The following BICC1 variants were observed in gnomAD, a reference collection of about 807,000 sequenced individuals.
The protein encoded by BICC1 is BicC family RNA binding protein 1, also known as protein bicaudal C homolog 1.
In BICC1, 43 loss-of-function variants were observed where a neutral mutation model predicts 111.0. That is an observed-to-expected ratio of 0.39 (90% CI 0.30 to 0.50). BICC1 has a LOEUF of 0.50. BICC1 is among the 20% of genes least tolerant of loss of function. The pLI, the probability that BICC1 is intolerant of heterozygous loss-of-function variation, is 0.88. For synonymous variants in BICC1, 467 were observed against 434.4 expected (o/e 1.07, Z -0.93); for missense variants, 1,091 against 1,203.2 (o/e 0.91, Z 1.38).
intron 1 of BICC1, among the ~76,000 whole-genome samples, chr10:58,521,033 G>C (rs190743117): frequency 4.6e-5 from 7 of 152,144 alleles, no homozygotes; most frequent in African/African-American, 1.2e-4. Flanking sequence ...TTCACTTAGC[G>C]TTGAATCATA....
intron 2 of BICC1, among the ~76,000 whole-genome samples, chr10:58,631,149 T>C (rs1837781287): frequency 6.6e-6 from 1 of 152,190 alleles, no homozygotes; most frequent in East Asian, 1.9e-4. Context: ...TTAATATTGT[T>C]TTCATCCCTC....
chr10:58,657,276 T>C (rs1224835516), intron 2 of BICC1, among the ~76,000 whole-genome samples: 1 of 152,222 alleles, frequency 6.6e-6, no homozygotes, highest in Admixed American at 6.6e-5. Context: ...TGTGTTGTAG[T>C]GCACCATCTT....
intron 3 of BICC1, among the ~76,000 whole-genome samples, chr10:58,763,577 A>G (rs1213370644): frequency 1.3e-5 from 2 of 152,176 alleles, no homozygotes; most frequent in African/African-American, 4.8e-5. Flanking sequence ...TTGAGGAGTT[A>G]AGTTCTGAGT....
At chr10:58,788,508 T>G (rs1467316712) in intron 6 of BICC1, 85 bp downstream of exon 6, 2 of 977,298 alleles carry the variant, frequency 2.0e-6, no homozygotes. Flanking sequence ...ATTTATCATT[T>G]TATAACCGAA....
At chr10:58,578,854 C>T (rs1564495586) in intron 1 of BICC1, among the ~76,000 whole-genome samples, 1 of 152,132 alleles carries the variant, frequency 6.6e-6, no homozygotes, top group Non-Finnish European at 1.5e-5. Context: ...GAATTCTCTT[C>T]CTTTGCTGCT....
chr10:58,616,102 G>A (rs1392911477), intron 1 of BICC1, among the ~76,000 whole-genome samples: 1 of 152,178 alleles, frequency 6.6e-6, no homozygotes. Context: ...GGTGCCTGGA[G>A]GCCAGGCTAC....
At position 58,792,769 on chromosome 10, in the gene BICC1, T is replaced by G. The variant is rs143419517; in HGVS notation, c.1048-715T>G. Reference sequence around the variant, plus strand: ...GGTGAGTTGTATAATTATTTAATTATATATTACAATGTGATAATAATAGTA... The same window carrying G: ...GGTGAGTTGTATAATTATTTAATTAGATATTACAATGTGATAATAATAGTA... On this transcript the variant is annotated intron_variant, in intron 8 of 20. Coordinates refer to ENST00000373886, the MANE Select transcript of BICC1 (RefSeq NM_001080512.3). 5.6e-3 allele frequency among the ~76,000 whole-genome samples: 855 copies of G among 152,354 alleles called. 12 individuals carry two copies. The highest frequency in any genetic ancestry group is 0.019 in the African/African-American group (805 of 41,578).
intron 1 of BICC1, among the ~76,000 whole-genome samples, chr10:58,529,742 C>G (rs1842632834): frequency 6.6e-6 from 1 of 151,584 alleles, no homozygotes; most frequent in Non-Finnish European, 1.5e-5. Context: ...CTTCAGGGAT[C>G]TATAATTTAC....
At chr10:58,803,400 A>G (rs890923847) in intron 15 of BICC1, among the ~76,000 whole-genome samples, 158 bp downstream of exon 15, 10 of 152,232 alleles carry the variant, frequency 6.6e-5, no homozygotes, top group Non-Finnish European at 4.4e-5. Context: ...TTAGTTTGCT[A>G]TAAACATTAA....
intron 3 of BICC1, among the ~76,000 whole-genome samples, chr10:58,717,211 G>A (rs1387730986): frequency 6.6e-6 from 1 of 152,150 alleles, no homozygotes; most frequent in East Asian, 1.9e-4. Flanking sequence ...TATGTAACCA[G>A]TGATAGTTTA....
intron 3 of BICC1, among the ~76,000 whole-genome samples, chr10:58,727,637 T>C (rs1233990393): frequency 6.6e-6 from 1 of 152,106 alleles, no homozygotes; most frequent in African/African-American, 2.4e-5. Flanking sequence ...ACTTAAGAAT[T>C]ACAAAAGGAT....
intron 2 of BICC1, among the ~76,000 whole-genome samples, chr10:58,690,824 C>T (rs189738681): frequency 6.6e-6 from 1 of 152,134 alleles, no homozygotes; most frequent in African/African-American, 2.4e-5. Flanking sequence ...AAAATGTATT[C>T]CCTAAAAAAG....
At chr10:58,599,929 G>GGTGTGT (rs59937252) in intron 1 of BICC1, among the ~76,000 whole-genome samples, 6,739 of 149,814 alleles carry the variant, frequency 0.045, 197 homozygotes, top group East Asian at 0.14. Flanking sequence ...AACTAAAGAG[G>GGTGTGT]GTGTGTGTGT....
intron 3 of BICC1, among the ~76,000 whole-genome samples, chr10:58,770,994 T>G (rs961424458): frequency 6.6e-6 from 1 of 152,252 alleles, no homozygotes; most frequent in African/African-American, 2.4e-5. Context: ...TCAAAGACAC[T>G]GCTAAGCCCA....
At chr10:58,713,082 T>G (rs899457109) in intron 3 of BICC1, among the ~76,000 whole-genome samples, 7 of 152,198 alleles carry the variant, frequency 4.6e-5, no homozygotes, top group Admixed American at 3.3e-4. Flanking sequence ...ATGAAATCTC[T>G]TAAGAAACAA....
intron 2 of BICC1, among the ~76,000 whole-genome samples, chr10:58,638,271 G>A (rs113753408): frequency 0.023 from 3,479 of 151,664 alleles, 73 homozygotes; most frequent in Non-Finnish European, 0.035. Flanking sequence ...TCTCTTTAAT[G>A]TTATAGAAAA....
At chr10:58,689,889 C>T (rs1330884868) in intron 2 of BICC1, among the ~76,000 whole-genome samples, 1 of 152,140 alleles carries the variant, frequency 6.6e-6, no homozygotes, top group Non-Finnish European at 1.5e-5. Flanking sequence ...TGACACTTTT[C>T]AGTTTTAGAG....
At chr10:58,758,678 C>T (rs1198862392) in intron 3 of BICC1, among the ~76,000 whole-genome samples, 1 of 152,202 alleles carries the variant, frequency 6.6e-6, no homozygotes, top group African/African-American at 2.4e-5. Flanking sequence ...CATTTCTTCT[C>T]ATCATCGGTA....
At chr10:58,616,201 G>A (rs947058872) in intron 1 of BICC1, among the ~76,000 whole-genome samples, 1 of 152,208 alleles carries the variant, frequency 6.6e-6, no homozygotes, top group African/African-American at 2.4e-5. Flanking sequence ...TACCGAGGAG[G>A]CTGTTAGTGA....
Sources: gnomAD v4.1 joint callset for allele counts (sites outside exome capture counted in the v4.1 genomes callset) on GRCh38, gnomAD v4.1.1 for gene constraint, MANE v1.5 for transcripts, NCBI Gene and HGNC (gene_info 2026-07-23, HGNC 2026-07-21) for gene names.